Variants in CBX2 observed in about 807,000 individuals in gnomAD.
CBX2 encodes the protein chromobox 2.
In CBX2, 11 loss-of-function variants were observed where a neutral mutation model predicts 21.0. That is an observed-to-expected ratio of 0.52 (90% CI 0.33 to 0.87). The LOEUF (loss-of-function observed/expected upper bound fraction) is 0.87. CBX2 is among the 40% of genes least tolerant of loss of function. The pLI, the probability that CBX2 is intolerant of heterozygous loss-of-function variation, is 0.02. For missense variants in CBX2, 746 were observed against 724.3 expected (o/e 1.03, Z -0.34); for synonymous variants, 364 against 304.6 (o/e 1.19, Z -2.03).
In CBX2 at chr17:79,785,238, C is replaced by A; in HGVS notation, c.*196C>A. The A allele has an allele frequency of 1.6e-6, 1 of 613,716 alleles. No homozygotes were observed. Among genetic ancestry groups the A allele is most frequent in the Non-Finnish European group, 2.9e-6 (1 of 343,548 alleles). The allele number at this position is 613,716 out of a possible 1,614,324, so 38.0% of individuals were successfully genotyped here. A position where few individuals can be genotyped will look rare whatever the true frequency, so the allele number is the denominator to read the frequency against. On this transcript the variant is annotated 3_prime_UTR_variant, in exon 5 of 5. Transcript: ENST00000310942. ...TCCCAGGACATAGGGCAGGGGGCCT[C>A]ACTGCCTTGTTGGTCTCCACCTTGT...
rs1473769604 is a variant in CBX2, at chr17:79,787,237, T to C, written c.*2195T>C. 1 of 152,536 alleles carries C rather than the reference T, an allele frequency of 6.6e-6. No homozygotes were observed. Among genetic ancestry groups the C allele is most frequent in the Non-Finnish European group, 1.5e-5 (1 of 68,072 alleles). 9.4% of individuals were successfully genotyped at this position (152,536 alleles called of 1,614,324 possible). A position where few individuals can be genotyped will look rare whatever the true frequency, so the allele number is the denominator to read the frequency against. On this transcript the variant is annotated 3_prime_UTR_variant, in exon 5 of 5. Coordinates refer to ENST00000310942, the MANE Select transcript of CBX2 (RefSeq NM_005189.3). ...TGCTCCAAAGCCAGACTAACAGCTC[T>C]CCAAGCCCTTGGGGTGACTCGGCTT...
At chr17:79,782,840 T>G (rs1555830752) in intron 4 of CBX2, among the ~76,000 whole-genome samples, 2 of 152,124 alleles carry the variant, frequency 1.3e-5, no homozygotes, top group African/African-American at 4.8e-5. Flanking sequence ...AAGCACACGC[T>G]GTAGAATTCT....
rs148096541 is a variant in CBX2, at chr17:79,786,378, A to G, written c.*1336A>G. The stretch of plus-strand genomic sequence containing the variant: ...CCAGCTGAAAAACTAGACCTGTGCC[A>G]TTGGGGAAGCTGGACAAAGTCTAGG... On this transcript the variant is annotated 3_prime_UTR_variant, in exon 5 of 5. Coordinates refer to ENST00000310942, the MANE Select transcript of CBX2 (RefSeq NM_005189.3). The G allele has an allele frequency of 4.6e-5, 7 of 152,618 alleles. No homozygotes were observed. The highest frequency in any genetic ancestry group is 1.0e-4 in the Non-Finnish European group (7 of 68,064). 9.5% of individuals were successfully genotyped at this position (152,618 alleles called of 1,614,324 possible).
Position 79,785,063 on chromosome 17 carries a change from C to T in CBX2, c.*21C>T, listed in dbSNP as rs370493071. The T allele has an allele frequency of 2.0e-5, 31 of 1,579,658 alleles. No homozygotes were observed. The highest frequency in any genetic ancestry group is 1.6e-4 in the African/African-American group (12 of 74,616). On this transcript the variant is annotated 3_prime_UTR_variant, in exon 5 of 5. Transcript: ENST00000310942. ...ACTGAAGCCCCGGCGCCACCAGCTG[C>T]GCGGTCTTACTCCCCTTCCCTGCCT...
At chr17:79,782,262 A>G in intron 4 of CBX2, 1 of 1,559,648 alleles carries the variant, frequency 6.4e-7, no homozygotes, top group Admixed American at 1.9e-5. Flanking sequence ...GGCAGGGCTG[A>G]CTGAATAGCC....
At chr17:79,780,491 G>C (rs758777529) in intron 3 of CBX2, among the ~76,000 whole-genome samples, 26 of 152,194 alleles carry the variant, frequency 1.7e-4, no homozygotes, top group Non-Finnish European at 3.5e-4. Context: ...GCCTTGGGGT[G>C]GGGGAATGGC....
At chr17:79,781,421 T>G (rs1485351742) in intron 3 of CBX2, among the ~76,000 whole-genome samples, 1 of 152,172 alleles carries the variant, frequency 6.6e-6, no homozygotes, top group Non-Finnish European at 1.5e-5. Flanking sequence ...GGAAGCTGTC[T>G]TAAGTCAGAG....
chr17:79,783,702 A>C, intron 4 of CBX2, 30 bp from the exon 5 acceptor site: 1 of 1,541,654 alleles, frequency 6.5e-7, no homozygotes, highest in Non-Finnish European at 8.8e-7. Context: ...GAGCCACTGC[A>C]CCCAGCCAAC....
rs1407692306 is a variant in CBX2 at position 79,785,011 on chromosome 17, G to A, written c.1568G>A (p.Ser523Asn). The A allele has an allele frequency of 2.5e-6, 4 of 1,602,396 alleles. No individual in the cohort carries two copies. The African/African-American group carries it at 5.3e-5, about 21-fold the overall frequency. Residue 523 changes from serine to asparagine, a missense_variant, in exon 5 of 5, where the codon AGC becomes AAC. This residue lies in a region of CBX2 where 701 missense variants were observed against 650.7 expected (regional missense o/e 1.08). Transcript: ENST00000310942. ...ITVTVKESPT[S>N]VGFFNLRHY ...GTCACAGTGAAGGAGTCTCCCACCA[G>A]CGTGGGCTTCTTCAACCTGAGGCAT...
rs782023433 is a variant in CBX2, at chr17:79,784,713, C to T, written c.1270C>T (p.Pro424Ser). 1.9e-6 allele frequency: 3 copies of T among 1,611,644 alleles called. No homozygotes were observed. Among genetic ancestry groups the T allele is most frequent in the Admixed American group, 3.3e-5 (2 of 59,868 alleles). ...TTCCAGAGCAGTGGCGCCACCCACC[C>T]CTGCCAGCAAGAGGGACTGTGTCAA... The part of the protein sequence containing the change: ...LASRAVAPPT[P>S]ASKRDCVKGS... Residue 424 changes from proline to serine, a missense_variant, in exon 5 of 5, where the codon CCT becomes TCT. Around this residue, in one of 2 missense-constraint regions of CBX2, gnomAD observed 701 missense variants for 650.7 expected, o/e 1.08. Coordinates refer to ENST00000310942, the MANE Select transcript of CBX2 (RefSeq NM_005189.3). The surrounding 1 kb of genome is among the most constrained non-coding windows in gnomAD (Gnocchi z 5.9).
At position 79,785,513 on chromosome 17, in the gene CBX2, G is replaced by A. The variant is rs930455719; in HGVS notation, c.*471G>A. Reference sequence around the variant, plus strand: ...CCCTGGAGTGGGCAGAGAGTATTGTGGGGAGGCATGGCCAGTGGGACTAGT... The same window carrying A: ...CCCTGGAGTGGGCAGAGAGTATTGTAGGGAGGCATGGCCAGTGGGACTAGT... On this transcript the variant is annotated 3_prime_UTR_variant, in exon 5 of 5. Transcript: ENST00000310942. 2.4e-4 allele frequency: 47 copies of A among 196,726 alleles called. No homozygotes were observed. Among genetic ancestry groups the A allele is most frequent in the African/African-American group, 1.1e-3 (46 of 43,706 alleles). The allele number at this position is 196,726 out of a possible 1,614,324, so 12.2% of individuals were successfully genotyped here.
chr17:79,784,178 C>T lies in CBX2; in HGVS notation c.735C>T (p.Pro245=), dbSNP rs200705902. 9 of 1,612,840 alleles carry T rather than the reference C, an allele frequency of 5.6e-6. No individual in the cohort carries two copies. The highest frequency in any genetic ancestry group is 4.5e-5 in the East Asian group (2 of 44,862). Residue 245 remains proline, a synonymous_variant, in exon 5 of 5, where the codon CCC becomes CCT. Transcript: ENST00000310942. The surrounding 1 kb of genome is among the most constrained non-coding windows in gnomAD (Gnocchi z 5.9). ...TAATGAAGGGCATGGCCAGTAGCCC[C>T]GGCCGGGGTGGCATCAGCTGGCAGA... The part of the protein sequence containing the change: ...ASLMKGMASS[P]GRGGISWQSS...
rs1020345700 is a variant in CBX2 at position 79,787,705 on chromosome 17, C to T, written c.*2663C>T. ...TGTGTGTGTGAAATGGTGTGTTAAC[C>T]GCGTTTTGTTTGCTCCTGTATTGAA... On this transcript the variant is annotated 3_prime_UTR_variant, in exon 5 of 5. Transcript: ENST00000310942. 9.2e-5 allele frequency: 14 copies of T among 152,258 alleles called. No individual in the cohort carries two copies. Among genetic ancestry groups the T allele is most frequent in the East Asian group, 5.8e-4 (3 of 5,176 alleles). 9.4% of individuals were successfully genotyped at this position (152,258 alleles called of 1,614,324 possible). A position where few individuals can be genotyped will look rare whatever the true frequency, so the allele number is the denominator to read the frequency against.
At position 79,779,437 on chromosome 17, in the gene CBX2, CT is replaced by C; in HGVS notation, c.182+11del. ...TGGCCTTCCAGAAGAAGTGAGGACG[CT>C]GACAGCACTGGGGAGGGTGTGGGGG... On this transcript the variant is annotated intron_variant, in intron 3 of 4. Transcript: ENST00000310942. The C allele has an allele frequency of 6.2e-7, 1 of 1,601,524 alleles. No homozygotes were observed. The highest frequency in any genetic ancestry group is 8.5e-7 in the Non-Finnish European group (1 of 1,174,468).
At chr17:79,782,733 A>G (rs1185828500) in intron 4 of CBX2, among the ~76,000 whole-genome samples, 1 of 152,202 alleles carries the variant, frequency 6.6e-6, no homozygotes, top group Non-Finnish European at 1.5e-5. Context: ...GCCACAAGGC[A>G]GTGATTGATG....
At chr17:79,782,219 G>A in intron 4 of CBX2, 6 of 1,602,606 alleles carry the variant, frequency 3.7e-6, no homozygotes, top group Non-Finnish European at 4.3e-6. Flanking sequence ...GGGCCCACCT[G>A]CGGGTGCACC....
rs1906995156 is a variant in CBX2, at chr17:79,779,437, C to T, written c.182+10C>T. ...TGGCCTTCCAGAAGAAGTGAGGACG[C>T]TGACAGCACTGGGGAGGGTGTGGGG... On this transcript the variant is annotated intron_variant, in intron 3 of 4. Coordinates refer to ENST00000310942, the MANE Select transcript of CBX2 (RefSeq NM_005189.3). The T allele has an allele frequency of 6.2e-7, 1 of 1,601,408 alleles. No individual in the cohort carries two copies. The highest frequency in any genetic ancestry group is 8.5e-7 in the Non-Finnish European group (1 of 1,174,476).
intron 4 of CBX2, 37 bp downstream of exon 4, chr17:79,781,838 C>T: frequency 1.2e-5 from 19 of 1,614,026 alleles, no homozygotes; most frequent in Non-Finnish European, 1.6e-5. Flanking sequence ...CCCCACCTCC[C>T]AGCACCCCCT....
In CBX2 at chr17:79,782,297, A is replaced by G. The variant is rs1907284863; in HGVS notation, c.288+496A>G. ...CAGGGGGTGCCAGGAGGGGCCTTGG[A>G]GGAGGGCAGAGGCAGTGTGGGCTGA... On this transcript the variant is annotated intron_variant, in intron 4 of 4. Coordinates refer to ENST00000310942, the MANE Select transcript of CBX2 (RefSeq NM_005189.3). 2.6e-6 allele frequency: 4 copies of G among 1,521,584 alleles called. No homozygotes were observed. The African/African-American group carries it at 4.1e-5, about 16-fold the overall frequency. The allele number at this position is 1,521,584 out of a possible 1,614,324, so 94.3% of individuals were successfully genotyped here. A position where few individuals can be genotyped will look rare whatever the true frequency, so the allele number is the denominator to read the frequency against.
Sources: gnomAD v4.1 joint callset for allele counts (sites outside exome capture counted in the v4.1 genomes callset) on GRCh38, gnomAD v4.1.1 for gene constraint, gnomAD v4.1.1 regional missense constraint, Gnocchi (gnomAD v3.1) non-coding constraint, MANE v1.5 for transcripts, NCBI Gene and HGNC (gene_info 2026-07-23, HGNC 2026-07-21) for gene names.